Variants in ATP7A observed in about 807,000 individuals in gnomAD.
ATP7A encodes copper-transporting ATPase 1.
A neutral mutation model predicts 83.5 loss-of-function variants in ATP7A; 7 were observed. The observed-to-expected ratio is 0.08, with a 90% CI of 0.05 to 0.16. The LOEUF is 0.16. Among genes scored for constraint, ATP7A ranks in the 10% least tolerant of loss-of-function variants. ATP7A has a pLI of 1.00. For synonymous variants in ATP7A, 354 were observed against 395.2 expected (o/e 0.90, Z 1.24); for missense variants, 940 against 1,120.8 (o/e 0.84, Z 2.30).
intron 2 of ATP7A, among the ~76,000 whole-genome samples, chrX:77,972,686 C>T (rs1468345480): frequency 1.3e-4 from 14 of 110,304 alleles, no homozygotes; most frequent in Non-Finnish European, 9.5e-5. Context: ...TTTTTTGTAG[C>T]GATGGGGGTC....
At chrX:78,006,039 C>T (rs1457145838) in intron 6 of ATP7A, among the ~76,000 whole-genome samples, 1 of 112,060 alleles carries the variant, frequency 8.9e-6, no homozygotes, top group African/African-American at 3.2e-5. Context: ...AAAAGATGTT[C>T]AACTTCATTC....
Position 78,011,641 on chromosome X carries a change from T to C in ATP7A, c.2139T>C (p.Asn713=). The C allele has an allele frequency of 8.3e-7, 1 of 1,210,403 alleles. No individual in the cohort carries two copies. The highest frequency in any genetic ancestry group is 2.3e-4 in the Middle Eastern group (1 of 4,351). The part of the protein sequence containing the change: ...RQILPGLSVM[N]LLSFLLCVPV... ...TTCTTCCAGGATTGTCTGTTATGAA[T>C]TTGCTGTCCTTTTTATTGTGTGTAC... The change falls in exon 9 of 23, where the codon AAT becomes AAC. Residue 713 remains asparagine, a synonymous_variant. Transcript: ENST00000341514.
In ATP7A at chrX:77,965,670, T is replaced by G. The variant is rs141023886; in HGVS notation, c.-21-5951T>G. 9.1e-3 allele frequency among the ~76,000 whole-genome samples: 1,016 copies of G among 111,772 alleles called. 44 individuals are homozygous for G. Among genetic ancestry groups the G allele is most frequent in the Admixed American group, 0.089 (927 of 10,466 alleles). ...ACTCTTAGGTATTACCAAAGAGAAA[T>G]GAAAACACAAAAGTTTGTACATGAA... On this transcript the variant is annotated intron_variant, in intron 1 of 22. Transcript: ENST00000341514.
intron 1 of ATP7A, chrX:77,962,847 C>T (rs782210127): frequency 2.1e-5 from 8 of 378,614 alleles, no homozygotes; most frequent in South Asian, 9.7e-5. Context: ...TAAAACATGA[C>T]GGGACCTCTT....
chrX:77,955,819 A>G (rs1236712070), intron 1 of ATP7A, among the ~76,000 whole-genome samples: 2 of 109,362 alleles, frequency 1.8e-5, no homozygotes, highest in East Asian at 2.8e-4. Flanking sequence ...GTCTCTGGTA[A>G]CCACTGTTCT....
rs1481675521 is a variant in ATP7A, at chrX:77,911,288, G to A, written c.-22+453G>A. On this transcript the variant is annotated intron_variant, in intron 1 of 22. Transcript: ENST00000341514. Reference sequence around the variant, plus strand: ...GCTCTGGGAGCGTAAGGTAAACTGAGAGAACTCTTGTTTCCACTTAGTTTT... The same window carrying A: ...GCTCTGGGAGCGTAAGGTAAACTGAAAGAACTCTTGTTTCCACTTAGTTTT... 6.2e-5 allele frequency among the ~76,000 whole-genome samples: 7 copies of A among 112,252 alleles called. No homozygotes were observed. The Admixed American group carries it at 6.6e-4, about 11-fold the overall frequency.
intron 1 of ATP7A, among the ~76,000 whole-genome samples, chrX:77,934,140 G>A (rs1421930002): frequency 2.7e-5 from 3 of 111,938 alleles, no homozygotes; most frequent in South Asian, 3.7e-4. Context: ...TAGGCCAGGC[G>A]TGATGGCTCA....
chrX:77,952,714 C>T (rs1024442179), intron 1 of ATP7A, among the ~76,000 whole-genome samples: 10 of 110,857 alleles, frequency 9.0e-5, no homozygotes, highest in Non-Finnish European at 1.5e-4. Flanking sequence ...TCAGCCTCAC[C>T]AAACTTTTAT....
At chrX:77,948,144 CAAGACGG>C (rs1372606197) in intron 1 of ATP7A, among the ~76,000 whole-genome samples, 1 of 106,846 alleles carries the variant, frequency 9.4e-6, no homozygotes, top group African/African-American at 3.4e-5. Context: ...TTCATTCATT[CAAGACGG>C]AGTCTTGCTC....
intron 1 of ATP7A, chrX:77,965,558 A>T: frequency 5.9e-6 from 1 of 169,176 alleles, no homozygotes; most frequent in African/African-American, 3.1e-5. Context: ...TGCTCATGGG[A>T]GTATAAATGG....
chrX:77,932,148 T>G (rs1245179335), intron 1 of ATP7A, among the ~76,000 whole-genome samples: 2 of 86,417 alleles, frequency 2.3e-5, no homozygotes, highest in African/African-American at 4.2e-5. Flanking sequence ...ACTTCTCAGA[T>G]GGGGCAGTTG....
intron 1 of ATP7A, among the ~76,000 whole-genome samples, chrX:77,949,928 G>A (rs782658809): frequency 9.0e-6 from 1 of 111,658 alleles, no homozygotes; most frequent in Non-Finnish European, 1.9e-5. Context: ...TAGGCTATTT[G>A]GATTGTTTAT....
At position 78,042,672 on chromosome X, in the gene ATP7A, G is replaced by A; in HGVS notation, c.3889G>A (p.Ala1297Thr). The change falls in exon 20 of 23, where the codon GCA (alanine) becomes ACA (threonine). Residue 1297 changes from alanine (A) to threonine (T), a missense_variant. Physicochemically the swap from Ala to Thr is moderately conservative, Grantham distance 58 (BLOSUM62 0). Transcript: ENST00000341514. ...KQLQEEGKRV[A>T]MVGDGINDSP... is the part of the protein sequence containing the mutation. ...ACTTCAAGAGGAGGGGAAACGGGTAGCAATGGTGGGAGATGGAATCAATGA... is the reference window on the plus strand; with the variant it reads ...ACTTCAAGAGGAGGGGAAACGGGTAACAATGGTGGGAGATGGAATCAATGA... 1.2e-5 allele frequency: 14 copies of A among 1,211,828 alleles called. No homozygotes were observed. The highest frequency in any genetic ancestry group is 1.6e-5 in the Non-Finnish European group (14 of 895,548).
intron 1 of ATP7A, among the ~76,000 whole-genome samples, chrX:77,953,133 G>A (rs1010457287): frequency 1.1e-4 from 12 of 111,661 alleles, no homozygotes; most frequent in Non-Finnish European, 1.5e-4. Flanking sequence ...AGTTATTTTC[G>A]TTTTCATAGG....
At position 78,020,329 on chromosome X, in the gene ATP7A, A is replaced by T. The variant is rs1396353749; in HGVS notation, c.2712A>T (p.Ala904=). The part of the protein sequence containing the change: ...INQNGSLLIC[A]THVGADTTLS... ...AGAACGGGTCACTGCTTATCTGCGC[A>T]ACACATGTTGGAGCAGACACAACCC... is the stretch of plus-strand genomic sequence containing the variant. Residue 904 remains alanine (A), a synonymous_variant, in exon 13 of 23, where the codon GCA becomes GCT. Transcript: ENST00000341514. 1 of 1,211,708 alleles carries T rather than the reference A, an allele frequency of 8.3e-7. No individual in the cohort carries two copies. The highest frequency in any genetic ancestry group is 1.1e-6 in the Non-Finnish European group (1 of 895,310).
chrX:77,989,359 A>G lies in ATP7A; in HGVS notation c.737A>G (p.Lys246Arg). 2.5e-6 allele frequency: 3 copies of G among 1,211,654 alleles called. No homozygotes were observed. The highest frequency in any genetic ancestry group is 3.4e-6 in the Non-Finnish European group (3 of 895,435). The change falls in exon 4 of 23, where the codon AAA (lysine) becomes AGA (arginine). Residue 246 changes from lysine (K) to arginine (R), a missense_variant. By Grantham distance (26) the Lys-to-Arg change is conservative. Coordinates refer to ENST00000341514, the MANE Select transcript of ATP7A (RefSeq NM_000052.7). ...GTCAAAAAGCAGCCCAAGTACCTCAAATTGGGAGCTATTGATGTAGAACGT... is the reference window on the plus strand; with the variant it reads ...GTCAAAAAGCAGCCCAAGTACCTCAGATTGGGAGCTATTGATGTAGAACGT... Reference protein sequence around the residue: ...AFVKKQPKYLKLGAIDVERLK... With the variant: ...AFVKKQPKYLRLGAIDVERLK...
intron 2 of ATP7A, among the ~76,000 whole-genome samples, chrX:77,982,551 A>C (rs1159769852): frequency 8.9e-6 from 1 of 112,698 alleles, no homozygotes; most frequent in African/African-American, 3.2e-5. Context: ...GAATATGTGA[A>C]ATGTGAGAGG....
At chrX:77,914,892 T>C (rs1557222345) in intron 1 of ATP7A, among the ~76,000 whole-genome samples, 1 of 112,400 alleles carries the variant, frequency 8.9e-6, no homozygotes, top group Non-Finnish European at 1.9e-5. Context: ...TGTTTTTTCA[T>C]CTTGACAGTA....
intron 1 of ATP7A, among the ~76,000 whole-genome samples, chrX:77,931,826 C>A (rs2077280595): frequency 9.8e-6 from 1 of 101,564 alleles, no homozygotes; most frequent in African/African-American, 3.6e-5. Flanking sequence ...GGGGCTGACC[C>A]CCCCCACCTC....
Sources: allele counts gnomAD v4.1 joint callset (sites outside exome capture counted in the v4.1 genomes callset), GRCh38; gene constraint gnomAD v4.1.1; transcripts MANE v1.5; gene names NCBI Gene and HGNC (gene_info 2026-07-23, HGNC 2026-07-21).